Variants in PTK2 observed in about 807,000 individuals in gnomAD.
PTK2 encodes the protein protein tyrosine kinase 2.
In PTK2, 45 loss-of-function variants were observed where a neutral mutation model predicts 150.1. The ratio of observed to expected loss-of-function variants is 0.30; its 90% CI spans 0.24 to 0.38. PTK2 has a LOEUF of 0.38. Ranked by LOEUF, PTK2 falls within the 10% of genes least tolerant of loss-of-function variation. The pLI, the probability that PTK2 is intolerant of heterozygous loss-of-function variation, is 1.00. For synonymous variants in PTK2, 432 were observed against 449.2 expected, an observed-to-expected ratio of 0.96 and a Z score of 0.48; for missense variants, 919 against 1,307.3, an observed-to-expected ratio of 0.70 and a Z score of 4.58.
At chr8:140,789,188 T>C (rs893805779) in intron 14 of PTK2, among the ~76,000 whole-genome samples, 4 of 152,064 alleles carry the variant, frequency 2.6e-5, no homozygotes, top group Admixed American at 2.0e-4. Context: ...AACTTCATTC[T>C]GGATAAGATT....
intron 31 of PTK2, 146 bp downstream of exon 35, chr8:140,664,771 G>T: frequency 1.2e-6 from 1 of 800,764 alleles, no homozygotes; most frequent in Non-Finnish European, 2.1e-6. Context: ...TGGGGCCAGT[G>T]TTAGAGGGAA....
intron 1 of PTK2, among the ~76,000 whole-genome samples, chr8:140,998,752 G>C (rs1461523251): frequency 6.6e-6 from 1 of 150,762 alleles, no homozygotes; most frequent in African/African-American, 2.4e-5. Flanking sequence ...CCGGGCAGTG[G>C]AGCTTGCAGT....
At chr8:140,837,241 A>G (rs1282930766) in intron 7 of PTK2, among the ~76,000 whole-genome samples, 1 of 152,044 alleles carries the variant, frequency 6.6e-6, no homozygotes, top group Non-Finnish European at 1.5e-5. Context: ...GGGTTGGGGG[A>G]CTTCAGTGTC....
chr8:140,962,704 C>T (rs192065766), intron 1 of PTK2, among the ~76,000 whole-genome samples: 22 of 151,960 alleles, frequency 1.4e-4, no homozygotes, highest in African/African-American at 4.8e-4. Flanking sequence ...TGGCGTGAAT[C>T]GGGGAGGCGG....
At chr8:140,748,246 C>A (rs929458689) in intron 17 of PTK2, among the ~76,000 whole-genome samples, 5 of 152,182 alleles carry the variant, frequency 3.3e-5, no homozygotes, top group African/African-American at 9.7e-5. Flanking sequence ...GTAATCCCAG[C>A]ACTTTGGGAG....
intron 3 of PTK2, among the ~76,000 whole-genome samples, chr8:140,881,317 T>A (rs185485926): frequency 1.3e-5 from 2 of 152,314 alleles, no homozygotes; most frequent in East Asian, 3.9e-4. Flanking sequence ...GAGCACCTTT[T>A]AACAATTCTC....
intron 7 of PTK2, among the ~76,000 whole-genome samples, chr8:140,841,634 A>G (rs1212005933): frequency 6.6e-6 from 1 of 152,116 alleles, no homozygotes; most frequent in Non-Finnish European, 1.5e-5. Context: ...GATGAGAGCC[A>G]TATACACATA....
intron 8 of PTK2, among the ~76,000 whole-genome samples, chr8:140,819,974 G>A (rs77221554): frequency 6.6e-6 from 1 of 151,508 alleles, no homozygotes; most frequent in African/African-American, 2.4e-5. Context: ...AATGAAGAGG[G>A]GCAAGAGAAT....
intron 4 of PTK2, among the ~76,000 whole-genome samples, chr8:140,870,307 T>C (rs1198625210): frequency 1.3e-5 from 2 of 152,126 alleles, no homozygotes; most frequent in Non-Finnish European, 2.9e-5. Context: ...TTGAAACAAA[T>C]ATCAAAACAC....
intron 1 of PTK2, among the ~76,000 whole-genome samples, chr8:140,939,266 T>C (rs1263999487): frequency 6.6e-6 from 1 of 152,228 alleles, no homozygotes; most frequent in Non-Finnish European, 1.5e-5. Flanking sequence ...TATTTTTAAA[T>C]GTTTACTAGT....
At chr8:140,792,726 C>G (rs1475214037) in intron 13 of PTK2, among the ~76,000 whole-genome samples, 1 of 152,238 alleles carries the variant, frequency 6.6e-6, no homozygotes, top group Non-Finnish European at 1.5e-5. Flanking sequence ...CTCACCCTCT[C>G]TATTCCAGTG....
intron 1 of PTK2, among the ~76,000 whole-genome samples, chr8:140,945,711 T>C (rs539484907): frequency 6.6e-6 from 1 of 152,238 alleles, no homozygotes; most frequent in African/African-American, 2.4e-5. Context: ...TAAACTTTTT[T>C]AAAAGCTCTT....
chr8:140,715,263 C>T (rs953834464), intron 23 of PTK2, among the ~76,000 whole-genome samples: 2 of 134,948 alleles, frequency 1.5e-5, no homozygotes, highest in South Asian at 2.5e-4. Context: ...ATCTCTGCCT[C>T]CTGAGTTCAA....
At chr8:140,787,966 G>T (rs2100085970) in intron 14 of PTK2, among the ~76,000 whole-genome samples, 1 of 152,186 alleles carries the variant, frequency 6.6e-6, no homozygotes, top group African/African-American at 2.4e-5. Flanking sequence ...TGTGACTGTA[G>T]CATGTGTGGT....
chr8:140,660,731 C>A, intron 31 of PTK2: 1 of 413,678 alleles, frequency 2.4e-6, no homozygotes, highest in Non-Finnish European at 4.9e-6. Context: ...TATGTACGCC[C>A]CTCCCCCCGC....
At position 140,820,092 on chromosome 8, in the gene PTK2, TTTTTTTTTTTTTTTTTTTTTTTTTTTA is replaced by T. The variant is rs1420755177; in HGVS notation, c.649-1099_649-1073del. Among the ~76,000 whole-genome samples, 92 of 64,422 alleles carry T rather than the reference TTTTTTTTTTTTTTTTTTTTTTTTTTTA, an allele frequency of 1.4e-3. 1 individual carries two copies. Among genetic ancestry groups the T allele is most frequent in the Middle Eastern group, 5.7e-3 (1 of 176 alleles). The allele number at this position is 64,422 out of a possible 152,430, so 42.3% of individuals were successfully genotyped here. A position where few individuals can be genotyped will look rare whatever the true frequency, so the allele number is the denominator to read the frequency against. On this transcript the variant is annotated intron_variant, in intron 8 of 31. Transcript: ENST00000522684. Reference sequence around the variant, plus strand: ...CTGACTTTGGTTTTTTTTTTTTTTTTTTTTTTTTTTTTTTTTTTTTTTTTTTAAATAGGGTCTCACTCTGTCGCCCAG... The same window carrying T: ...CTGACTTTGGTTTTTTTTTTTTTTTTAATAGGGTCTCACTCTGTCGCCCAG...
chr8:140,893,155 C>T (rs1262539741), intron 2 of PTK2, among the ~76,000 whole-genome samples: 3 of 152,178 alleles, frequency 2.0e-5, no homozygotes, highest in South Asian at 4.2e-4. Context: ...TGGCGAAACC[C>T]CATCTCTATA....
chr8:140,900,870 T>C (rs971347231), intron 2 of PTK2, among the ~76,000 whole-genome samples: 1 of 151,284 alleles, frequency 6.6e-6, no homozygotes, highest in Admixed American at 6.6e-5. Flanking sequence ...CCTATCAAAA[T>C]ACCAATGACA....
intron 2 of PTK2, among the ~76,000 whole-genome samples, chr8:140,895,872 AT>A (rs1010837260): frequency 1.3e-5 from 2 of 152,186 alleles, no homozygotes; most frequent in African/African-American, 4.8e-5. Flanking sequence ...TAAAAATTTA[AT>A]TAAAAAAGAA....
Sources: gnomAD v4.1 joint callset for allele counts (sites outside exome capture counted in the v4.1 genomes callset) on GRCh38, gnomAD v4.1.1 for gene constraint, MANE v1.5 for transcripts, NCBI Gene and HGNC (gene_info 2026-07-23, HGNC 2026-07-21) for gene names.